The following GPC5 variants were observed in gnomAD, a reference collection of about 807,000 sequenced individuals.
GPC5 encodes glypican 5, also known as glypican-5.
GPC5 carries 47 observed loss-of-function variants against 53.9 expected under a neutral mutation model. The ratio of observed to expected loss-of-function variants is 0.87; its 90% CI spans 0.69 to 1.11. The LOEUF (loss-of-function observed/expected upper bound fraction) is 1.11, where lower values mean the gene tolerates loss of function less well. Among genes scored for constraint, GPC5 ranks in the 50% most tolerant of loss-of-function variants. The pLI is 0.00. For missense variants in GPC5, 748 were observed against 713.1 expected, an observed-to-expected ratio of 1.05 and a Z score of -0.56; for synonymous variants, 286 against 263.3, an observed-to-expected ratio of 1.09 and a Z score of -0.84.
intron 7 of GPC5, among the ~76,000 whole-genome samples, chr13:92,690,300 G>A (rs376386462): frequency 0.013 from 858 of 68,002 alleles, 3 homozygotes; most frequent in East Asian, 0.044. Context: ...TTCCCTTCTC[G>A]CTTCATTTCA....
rs76538316 is a variant in GPC5, at chr13:92,816,375, A to T, written c.1562-49907A>T. ...AGTTGCATTGTCTATAAATTACAATAATGAATATTGTTGGCTGTTTGAGCA... is the reference window on the plus strand; with the variant it reads ...AGTTGCATTGTCTATAAATTACAATTATGAATATTGTTGGCTGTTTGAGCA... On this transcript the variant is annotated intron_variant, in intron 7 of 7. Transcript: ENST00000377067. Among the ~76,000 whole-genome samples the T allele has an allele frequency of 1.4e-4, 22 of 152,158 alleles. No homozygotes were observed. In the East Asian group the frequency reaches 4.1e-3, roughly 28 times the overall value.
chr13:92,620,526 G>C (rs1884837605), intron 7 of GPC5, among the ~76,000 whole-genome samples: 1 of 152,040 alleles, frequency 6.6e-6, no homozygotes. Context: ...TTCCTAAAGT[G>C]ACTTAAAGAT....
At chr13:91,946,203 C>A (rs1370781535) in intron 6 of GPC5, among the ~76,000 whole-genome samples, 2 of 152,008 alleles carry the variant, frequency 1.3e-5, no homozygotes, top group Non-Finnish European at 2.9e-5. Context: ...AATTTGGGGT[C>A]TTTCTTTGTC....
At chr13:91,972,059 A>C (rs1296582944) in intron 6 of GPC5, among the ~76,000 whole-genome samples, 1 of 152,214 alleles carries the variant, frequency 6.6e-6, no homozygotes, top group Non-Finnish European at 1.5e-5. Flanking sequence ...TAATGTTGAC[A>C]GTGGGGTGTT....
At chr13:91,431,503 C>A (rs1879446361) in intron 1 of GPC5, among the ~76,000 whole-genome samples, 1 of 152,178 alleles carries the variant, frequency 6.6e-6, no homozygotes, top group Non-Finnish European at 1.5e-5. Context: ...TTCTCTACTT[C>A]ATTTGCTATA....
At chr13:91,767,975 A>T (rs532025704) in intron 5 of GPC5, among the ~76,000 whole-genome samples, 5 of 152,120 alleles carry the variant, frequency 3.3e-5, no homozygotes, top group Non-Finnish European at 5.9e-5. Context: ...TTTCTTATTC[A>T]TCCTTCGTTT....
intron 2 of GPC5, among the ~76,000 whole-genome samples, chr13:91,494,245 C>G (rs1884111980): frequency 6.6e-6 from 1 of 151,530 alleles, no homozygotes; most frequent in South Asian, 2.1e-4. Flanking sequence ...AAAGGCCAGC[C>G]CTTGTTTTTG....
chr13:91,516,810 G>A (rs1176938412), intron 2 of GPC5, among the ~76,000 whole-genome samples: 4 of 152,134 alleles, frequency 2.6e-5, no homozygotes, highest in African/African-American at 9.7e-5. Context: ...TGAAATCTAG[G>A]CAGAGGTTCC....
intron 2 of GPC5, among the ~76,000 whole-genome samples, chr13:91,501,295 G>T (rs1884624447): frequency 7.0e-6 from 1 of 141,886 alleles, no homozygotes; most frequent in Non-Finnish European, 1.5e-5. Context: ...TGCACAACGT[G>T]CAGGTTTGTT....
intron 2 of GPC5, among the ~76,000 whole-genome samples, chr13:91,579,671 C>T (rs1326861260): frequency 7.2e-6 from 1 of 138,198 alleles, no homozygotes; most frequent in Non-Finnish European, 1.5e-5. Context: ...CTCTGTCACC[C>T]AGGCTGGAGT....
At chr13:91,706,521 C>T (rs945470541) in intron 3 of GPC5, among the ~76,000 whole-genome samples, 2 of 152,046 alleles carry the variant, frequency 1.3e-5, no homozygotes, top group Non-Finnish European at 2.9e-5. Flanking sequence ...CACAACTGCT[C>T]ATTACATATT....
intron 2 of GPC5, among the ~76,000 whole-genome samples, chr13:91,619,735 T>C (rs752997612): frequency 2.0e-5 from 3 of 152,144 alleles, no homozygotes; most frequent in Non-Finnish European, 4.4e-5. Flanking sequence ...ATAGGTTTTG[T>C]TCTTCGGAGT....
intron 2 of GPC5, among the ~76,000 whole-genome samples, chr13:91,458,210 C>T (rs183533938): frequency 6.6e-6 from 1 of 152,096 alleles, no homozygotes; most frequent in Admixed American, 6.6e-5. Flanking sequence ...CCTCAGCTGT[C>T]AGAGGAATAG....
intron 2 of GPC5, among the ~76,000 whole-genome samples, chr13:91,515,810 C>T (rs1885468063): frequency 6.6e-6 from 1 of 152,180 alleles, no homozygotes; most frequent in African/African-American, 2.4e-5. Context: ...CTGATAAAGA[C>T]ATACCCAAGC....
At chr13:92,862,345 T>A (rs1331397977) in intron 7 of GPC5, among the ~76,000 whole-genome samples, 1 of 152,170 alleles carries the variant, frequency 6.6e-6, no homozygotes, top group African/African-American at 2.4e-5. Context: ...TAATAGATAT[T>A]TTTTGAGGTG....
At chr13:91,625,154 A>ATT (rs2033965121) in intron 2 of GPC5, among the ~76,000 whole-genome samples, 1 of 151,932 alleles carries the variant, frequency 6.6e-6, no homozygotes, top group South Asian at 2.1e-4. Context: ...AAGGAATGAG[A>ATT]AAGGGCATAA....
At chr13:91,493,875 T>G (rs1271916559) in intron 2 of GPC5, among the ~76,000 whole-genome samples, 1 of 149,872 alleles carries the variant, frequency 6.7e-6, no homozygotes, top group African/African-American at 2.5e-5. Flanking sequence ...ATATGCTGCA[T>G]TCTATTTTTT....
At chr13:91,950,722 A>G in intron 6 of GPC5, among the ~76,000 whole-genome samples, 1 of 152,182 alleles carries the variant, frequency 6.6e-6, no homozygotes, top group East Asian at 1.9e-4. Flanking sequence ...TGTTGATGCT[A>G]GTGAATGTTT....
intron 7 of GPC5, among the ~76,000 whole-genome samples, chr13:92,588,777 C>T (rs554906145): frequency 2.6e-5 from 4 of 152,238 alleles, no homozygotes; most frequent in African/African-American, 4.8e-5. Context: ...TGAAAATTGT[C>T]CCGGTCCCTG....
Sources: gnomAD v4.1 joint callset for allele counts (sites outside exome capture counted in the v4.1 genomes callset) on GRCh38, gnomAD v4.1.1 for gene constraint, MANE v1.5 for transcripts, NCBI Gene and HGNC (gene_info 2026-07-23, HGNC 2026-07-21) for gene names.